MMRN2: variants seen among roughly 807,000 people sequenced by gnomAD.
The protein encoded by MMRN2 is multimerin 2.
A neutral mutation model predicts 68.8 loss-of-function variants in MMRN2; 53 were observed. The ratio of observed to expected loss-of-function variants is 0.77; its 90% CI spans 0.62 to 0.97. The LOEUF (loss-of-function observed/expected upper bound fraction) is 0.97. MMRN2 is among the 50% of genes least tolerant of loss of function. MMRN2 has a pLI of 0.00. For missense variants in MMRN2, 1,266 were observed against 1,259.5 expected, an observed-to-expected ratio of 1.01 and a Z score of -0.08; for synonymous variants, 564 against 551.6, an observed-to-expected ratio of 1.02 and a Z score of -0.32.
At chr10:86,955,316 C>T (rs370514319) in intron 1 of MMRN2, among the ~76,000 whole-genome samples, 2 of 152,188 alleles carry the variant, frequency 1.3e-5, no homozygotes, top group Non-Finnish European at 1.5e-5. Flanking sequence ...CTCTTCCTCC[C>T]GGAGTCCTAA....
intron 1 of MMRN2, among the ~76,000 whole-genome samples, chr10:86,955,366 T>A (rs1448567154): frequency 2.0e-5 from 3 of 152,086 alleles, no homozygotes; most frequent in African/African-American, 4.8e-5. Flanking sequence ...CCCCTCGGGG[T>A]CCCTGGCAAC....
rs1230654470 is a variant in MMRN2, at chr10:86,942,904, G to A, written c.1880C>T (p.Pro627Leu). 5 of 1,471,642 alleles carry A rather than the reference G, an allele frequency of 3.4e-6. No individual in the cohort carries two copies. The highest frequency in any genetic ancestry group is 2.9e-5 in the African/African-American group (2 of 68,144). The allele number at this position is 1,471,642 out of a possible 1,614,324, so 91.2% of individuals were successfully genotyped here. A position where few individuals can be genotyped will look rare whatever the true frequency, so the allele number is the denominator to read the frequency against. Residue 627 changes from proline (P) to leucine (L), a missense_variant, in exon 6 of 7, where the codon CCG (proline) becomes CTG (leucine). Pro to Leu is a moderately conservative substitution (Grantham distance 98, BLOSUM62 -3). Transcript: ENST00000372027. ...EVLEEMSEQT[P>L]GPLPLSYEQI... ...CTCGTAGCTCAGGGGCAGCGGTCCC[G>A]GCGTCTGCTCAGACATCTCCTCCAG... is the stretch of plus-strand genomic sequence containing the variant.
At chr10:86,944,514 T>G (rs1844038098) in intron 4 of MMRN2, 79 bp from the exon 5 acceptor site, 1 of 1,521,450 alleles carries the variant, frequency 6.6e-7, no homozygotes, top group Admixed American at 1.8e-5. Flanking sequence ...GAAGGAGAGT[T>G]GAAGGCTGAG....
intron 4 of MMRN2, 153 bp from the exon 5 acceptor site, chr10:86,944,588 G>A: frequency 2.7e-6 from 2 of 743,734 alleles, no homozygotes; most frequent in Non-Finnish European, 4.3e-6. Context: ...CCCCTGGAGG[G>A]CAAATGCATA....
rs762656559 is a variant in MMRN2 at position 86,943,759 on chromosome 10, T to C, written c.1025A>G (p.Lys342Arg). 1 of 1,608,210 alleles carries C rather than the reference T, an allele frequency of 6.2e-7. No homozygotes were observed. Among genetic ancestry groups the C allele is most frequent in the East Asian group, 2.2e-5 (1 of 44,862 alleles). ...ATTGGTCCCTGGGGCCTCCTGAGCC[T>C]TGTGCAGCCTCTTCAATTTGGTGTC... Reference protein sequence around the residue: ...DVDTKLKRLHKAQEAPGTNGS... With the variant: ...DVDTKLKRLHRAQEAPGTNGS... Residue 342 changes from lysine to arginine, a missense_variant, in exon 6 of 7, where the codon AAG becomes AGG. Physicochemically the swap from Lys to Arg is conservative, Grantham distance 26 (BLOSUM62 2). Coordinates refer to ENST00000372027, the MANE Select transcript of MMRN2 (RefSeq NM_024756.3). The surrounding 1 kb of genome is among the most constrained non-coding windows in gnomAD (Gnocchi z 4.2).
At chr10:86,944,482 T>C in intron 4 of MMRN2, 47 bp from the exon 5 acceptor site, 1 of 1,599,016 alleles carries the variant, frequency 6.3e-7, no homozygotes, top group African/African-American at 1.3e-5. Context: ...TCACCAGGCC[T>C]GGGAAGATCA....
chr10:86,942,641 A>C lies in MMRN2; in HGVS notation c.2143T>G (p.Cys715Gly), dbSNP rs1843991051. 1.3e-6 allele frequency: 2 copies of C among 1,598,620 alleles called. No individual in the cohort carries two copies. Among genetic ancestry groups the C allele is most frequent in the Admixed American group, 1.7e-5 (1 of 59,866 alleles). Residue 715 changes from cysteine (C) to glycine (G), a missense_variant, in exon 6 of 7, where the codon TGC becomes GGC. By Grantham distance (159) the Cys-to-Gly change is radical. Coordinates refer to ENST00000372027, the MANE Select transcript of MMRN2 (RefSeq NM_024756.3). ...SNDVKNVGRC[C>G]EAEAGAGAAS... ...GCCCCGGCCCCGGCCTCGGCCTCGC[A>C]GCACCGCCCGACATTCTTGACGTCG...
Position 86,944,313 on chromosome 10 carries a change from G to C in MMRN2, c.604C>G (p.Leu202Val). 1 of 1,613,656 alleles carries C rather than the reference G, an allele frequency of 6.2e-7. No homozygotes were observed. Among genetic ancestry groups the C allele is most frequent in the South Asian group, 1.1e-5 (1 of 91,058 alleles). The change falls in exon 5 of 7, where the codon CTG becomes GTG. Residue 202 changes from leucine (L) to valine (V), a missense_variant. By Grantham distance (32) the Leu-to-Val change is conservative (BLOSUM62 1). Transcript: ENST00000372027. ...ADSLPGLWKA[L>V]PGNLTAAVME... ...ACTGCAGCTGTGAGGTTACCAGGCA[G>C]GGCTTTCCACAGGCCTGGCAGGCTG...
At position 86,937,452 on chromosome 10, in the gene MMRN2, C is replaced by CTTT. The variant is rs34239768; in HGVS notation, c.2468-330_2468-328dup. On this transcript the variant is annotated intron_variant, in intron 6 of 6. Coordinates refer to ENST00000372027, the MANE Select transcript of MMRN2 (RefSeq NM_024756.3). ...GCAGTGGTCATGACTCACTGCAGCCCTTTTTTTTTTTTAACGTAGAGATGG... is the reference window on the plus strand; with the variant it reads ...GCAGTGGTCATGACTCACTGCAGCCCTTTTTTTTTTTTTTTAACGTAGAGATGG... 8.1e-3 allele frequency among the ~76,000 whole-genome samples: 1,190 copies of CTTT among 146,558 alleles called. 24 individuals are homozygous for CTTT. Among genetic ancestry groups the CTTT allele is most frequent in the African/African-American group, 0.028 (1,105 of 39,662 alleles).
Position 86,945,359 on chromosome 10 carries a change from G to C in MMRN2, c.400+11C>G. On this transcript the variant is annotated intron_variant, in intron 3 of 6. Coordinates refer to ENST00000372027, the MANE Select transcript of MMRN2 (RefSeq NM_024756.3). ...AGGTCAAGGGGGGAAGGGGGCCGCA[G>C]GGAGCCCTACCGTGGTGCTCGCAGT... 1 of 1,599,896 alleles carries C rather than the reference G, an allele frequency of 6.3e-7. No homozygotes were observed. The highest frequency in any genetic ancestry group is 8.5e-7 in the Non-Finnish European group (1 of 1,173,102).
At chr10:86,949,443 T>C (rs1844114036) in intron 1 of MMRN2, 1 of 151,158 alleles carries the variant, frequency 6.6e-6, no homozygotes, top group African/African-American at 2.4e-5. Flanking sequence ...GCACCTGTAA[T>C]CCCAGATACT....
chr10:86,949,015 C>T (rs1844108744), intron 1 of MMRN2: 1 of 152,164 alleles, frequency 6.6e-6, no homozygotes, highest in South Asian at 2.1e-4. Flanking sequence ...ATTAAAAGCA[C>T]CACCAGTTAC....
In MMRN2 at chr10:86,942,369, T is replaced by C. The variant is rs755499732; in HGVS notation, c.2415A>G (p.Ile805Met). 1.2e-6 allele frequency: 2 copies of C among 1,614,118 alleles called. No individual in the cohort carries two copies. Among genetic ancestry groups the C allele is most frequent in the Non-Finnish European group, 1.7e-6 (2 of 1,179,998 alleles). Residue 805 changes from isoleucine (I) to methionine (M), a missense_variant, in exon 6 of 7, where the codon ATA becomes ATG. Transcript: ENST00000372027. ...DKKEAEPLVD[I>M]RVTGPVPGAL... ...CACCTGGCACAGGCCCTGTGACCCG[T>C]ATGTCCACCAAAGGCTCCGCTTCCT...
At chr10:86,941,001 C>T (rs1843957328) in intron 6 of MMRN2, among the ~76,000 whole-genome samples, 1 of 152,236 alleles carries the variant, frequency 6.6e-6, no homozygotes, top group South Asian at 2.1e-4. Context: ...AGGTGAAGAA[C>T]CGGCACCCTA....
At chr10:86,940,378 C>A (rs12259593) in intron 6 of MMRN2, among the ~76,000 whole-genome samples, 2 of 152,060 alleles carry the variant, frequency 1.3e-5, no homozygotes, top group African/African-American at 4.8e-5. Flanking sequence ...ATTTCCAAAC[C>A]GTGGGGCAAA....
In MMRN2 at chr10:86,942,726, G is replaced by C. The variant is rs1843993071; in HGVS notation, c.2058C>G (p.Arg686=). ...CCAGGGCGGTGGTGGCGGCCTCCTC[G>C]CGGCCCGCGTCGTGGCTGGGCTCCA... The part of the protein sequence containing the change: ...EHLEPSHDAG[R]EEAATTALAG... Residue 686 remains arginine, a synonymous_variant, in exon 6 of 7, where the codon CGC becomes CGG. Transcript: ENST00000372027. The C allele has an allele frequency of 6.9e-7, 1 of 1,445,542 alleles. No individual in the cohort carries two copies. The highest frequency in any genetic ancestry group is 1.4e-5 in the South Asian group (1 of 69,082). The allele number at this position is 1,445,542 out of a possible 1,614,324, so 89.5% of individuals were successfully genotyped here.
At position 86,936,101 on chromosome 10, in the gene MMRN2, G is replaced by T. The variant is rs1340986590; in HGVS notation, c.*642C>A. The T allele has an allele frequency of 4.0e-6, 1 of 250,514 alleles. No individual in the cohort carries two copies. The highest frequency in any genetic ancestry group is 7.0e-5 in the East Asian group (1 of 14,378). The allele number at this position is 250,514 out of a possible 1,614,324, so 15.5% of individuals were successfully genotyped here. On this transcript the variant is annotated 3_prime_UTR_variant, in exon 7 of 7. Transcript: ENST00000372027. ...TCTCCCTTGATGTGGGGATTATAGGGATTACAATTCAAGATGATATTTTAG... is the reference window on the plus strand; with the variant it reads ...TCTCCCTTGATGTGGGGATTATAGGTATTACAATTCAAGATGATATTTTAG...
chr10:86,944,002 T>G lies in MMRN2; in HGVS notation c.782A>C (p.Asn261Thr). The G allele has an allele frequency of 6.2e-7, 1 of 1,613,958 alleles. No individual in the cohort carries two copies. Among genetic ancestry groups the G allele is most frequent in the South Asian group, 1.1e-5 (1 of 91,084 alleles). The change falls in exon 6 of 7, where the codon AAC becomes ACC. Residue 261 changes from asparagine to threonine, a missense_variant. By Grantham distance (65) the Asn-to-Thr change is moderately conservative. Coordinates refer to ENST00000372027, the MANE Select transcript of MMRN2 (RefSeq NM_024756.3). Reference sequence around the variant, plus strand: ...GTTGGCCTCCACGTCAAGAGACAGGTTTCTTATGGCCTGGGTAAGGCTGTG... The same window carrying G: ...GTTGGCCTCCACGTCAAGAGACAGGGTTCTTATGGCCTGGGTAAGGCTGTG... ...SLHSLTQAIR[N>T]LSLDVEANRQ... is the part of the protein sequence containing the mutation.
chr10:86,944,223 G>T, intron 5 of MMRN2, 39 bp downstream of exon 5: 1 of 1,593,104 alleles, frequency 6.3e-7, no homozygotes, highest in South Asian at 1.1e-5. Flanking sequence ...CCCTCAATGT[G>T]ACCAGGCTCT....
Sources: gnomAD v4.1 joint callset for allele counts (sites outside exome capture counted in the v4.1 genomes callset) on GRCh38, gnomAD v4.1.1 for gene constraint, Gnocchi (gnomAD v3.1) non-coding constraint, MANE v1.5 for transcripts, NCBI Gene and HGNC (gene_info 2026-07-23, HGNC 2026-07-21) for gene names.